Variants in DOCK7 observed in about 807,000 individuals in gnomAD.
DOCK7 encodes dedicator of cytokinesis 7.
In DOCK7, 138 loss-of-function variants were observed where a neutral mutation model predicts 271.0. The ratio of observed to expected loss-of-function variants is 0.51; its 90% confidence interval spans 0.44 to 0.59. The LOEUF (loss-of-function observed/expected upper bound fraction) is 0.59. Ranked by LOEUF, DOCK7 falls within the 20% of genes least tolerant of loss-of-function variation. DOCK7 has a pLI of 0.00. For synonymous variants in DOCK7, 823 were observed against 876.1 expected, an observed-to-expected ratio of 0.94 and a Z score of 1.07; for missense variants, 2,066 against 2,592.4, an observed-to-expected ratio of 0.80 and a Z score of 4.41.
chr1:62,647,598 T>C (rs1656827221), intron 7 of DOCK7, 93 bp downstream of exon 7: 1 of 827,874 alleles, frequency 1.2e-6, no homozygotes, highest in African/African-American at 1.7e-5. Flanking sequence ...AGGACACAAA[T>C]GCAACTATAA....
chr1:62,553,850 C>T (rs1054782532), intron 21 of DOCK7, among the ~76,000 whole-genome samples: 6 of 122,326 alleles, frequency 4.9e-5, no homozygotes, highest in Admixed American at 8.6e-5. Flanking sequence ...TGCGTGCGTG[C>T]GCGCACACAC....
At chr1:62,660,935 TA>T (rs955271580) in intron 2 of DOCK7, among the ~76,000 whole-genome samples, 4 of 151,816 alleles carry the variant, frequency 2.6e-5, no homozygotes, top group African/African-American at 9.7e-5. Context: ...CCTGTCTCTA[TA>T]AAAAATACAA....
In DOCK7 at chr1:62,487,445, T is replaced by TA. The variant is rs763938882; in HGVS notation, c.5494-34dup. ...ATAAAAAGTAAAAAAGGGCAAGTCA[T>TA]AAAAAAACTGTTTGAAAGAACAAAA... On this transcript the variant is annotated intron_variant, in intron 42 of 49. Coordinates refer to ENST00000635253, the MANE Select transcript of DOCK7 (RefSeq NM_001367561.1). 5 of 1,607,286 alleles carry TA rather than the reference T, an allele frequency of 3.1e-6. No individual in the cohort carries two copies. In the South Asian group the frequency reaches 4.4e-5, roughly 14 times the overall value.
At chr1:62,456,015 T>C (rs1418659681) in intron 49 of DOCK7, among the ~76,000 whole-genome samples, 1 of 152,240 alleles carries the variant, frequency 6.6e-6, no homozygotes, top group Non-Finnish European at 1.5e-5. Context: ...CAAGAAGCTT[T>C]AGGAGAGTGG....
At chr1:62,465,297 C>T (rs180932106) in intron 48 of DOCK7, among the ~76,000 whole-genome samples, 70 of 152,138 alleles carry the variant, frequency 4.6e-4, no homozygotes, top group African/African-American at 1.6e-3. Context: ...TTAGTGCAAC[C>T]ATAAACTTTG....
At chr1:62,543,255 T>C in intron 24 of DOCK7, 1 of 161,974 alleles carries the variant, frequency 6.2e-6, no homozygotes, top group Non-Finnish European at 1.4e-5. Context: ...AACAAAACTG[T>C]GCATAAGGGA....
At chr1:62,483,363 A>G (rs1305521) in intron 43 of DOCK7, 86,979 of 150,338 alleles carry the variant, frequency 0.58, 26,911 homozygotes, top group East Asian at 0.75. Flanking sequence ...CAAAAGTAGC[A>G]TAAGGGGCAG....
At chr1:62,679,550 C>T (rs1014335043) in intron 1 of DOCK7, among the ~76,000 whole-genome samples, 1 of 152,064 alleles carries the variant, frequency 6.6e-6, no homozygotes, top group East Asian at 1.9e-4. Context: ...CAAAACAGAG[C>T]TCAACCTCAT....
chr1:62,686,514 T>C (rs1394364776), intron 1 of DOCK7, among the ~76,000 whole-genome samples: 1 of 151,892 alleles, frequency 6.6e-6, no homozygotes, highest in East Asian at 1.9e-4. Flanking sequence ...AATGACATCA[T>C]CATCAGAAGT....
chr1:62,576,401 T>C (rs1304690601), intron 18 of DOCK7, among the ~76,000 whole-genome samples: 1 of 152,198 alleles, frequency 6.6e-6, no homozygotes, highest in East Asian at 1.9e-4. Context: ...GGGCCTGAAA[T>C]GCAAATGCAC....
At chr1:62,655,888 G>C (rs191235841) in intron 2 of DOCK7, among the ~76,000 whole-genome samples, 1 of 152,112 alleles carries the variant, frequency 6.6e-6, no homozygotes, top group Non-Finnish European at 1.5e-5. Flanking sequence ...CTACAAATAA[G>C]GGCATTTGTG....
At chr1:62,683,682 C>A (rs1072865) in intron 1 of DOCK7, among the ~76,000 whole-genome samples, 19,436 of 152,164 alleles carry the variant, frequency 0.13, 1,466 homozygotes, top group Non-Finnish European at 0.17. Flanking sequence ...TGCCTGTAAT[C>A]CCAGCACTTT....
intron 31 of DOCK7, among the ~76,000 whole-genome samples, chr1:62,520,483 A>C (rs957592848): frequency 1.0e-5 from 1 of 96,120 alleles, no homozygotes; most frequent in African/African-American, 2.8e-5. Flanking sequence ...TGAGGCCAAC[A>C]AACATATGAA....
chr1:62,657,471 A>C lies in DOCK7; in HGVS notation c.145-3312T>G, dbSNP rs79083348. Among the ~76,000 whole-genome samples, 781 of 152,344 alleles carry C rather than the reference A, an allele frequency of 5.1e-3. 7 individuals are homozygous for C. The highest frequency in any genetic ancestry group is 0.018 in the African/African-American group (740 of 41,574). On this transcript the variant is annotated intron_variant, in intron 2 of 49. Transcript: ENST00000635253. The stretch of plus-strand genomic sequence containing the variant: ...TAAATAAGACCTAGAAATTAACAAC[A>C]TAAGACCCAAAAGGTCCAAGTTCCA...
chr1:62,672,844 G>A (rs1231563130), intron 1 of DOCK7, among the ~76,000 whole-genome samples: 1 of 152,040 alleles, frequency 6.6e-6, no homozygotes, highest in Non-Finnish European at 1.5e-5. Flanking sequence ...ATGGAAGCAG[G>A]TTTCCAAAGA....
chr1:62,581,253 G>GA (rs1003109335), intron 16 of DOCK7, among the ~76,000 whole-genome samples: 1 of 151,766 alleles, frequency 6.6e-6, no homozygotes, highest in African/African-American at 2.4e-5. Flanking sequence ...TATTATAATA[G>GA]AAAAAAAACC....
chr1:62,604,068 A>C (rs1334979946), intron 14 of DOCK7: 1 of 1,613,304 alleles, frequency 6.2e-7, no homozygotes, highest in Non-Finnish European at 8.5e-7. Flanking sequence ...AACAAACATT[A>C]TATTGAATAT....
rs558389544 is a variant in DOCK7, at chr1:62,589,466, T to C, written c.1683-2842A>G. On this transcript the variant is annotated intron_variant, in intron 14 of 49. Transcript: ENST00000635253. ...TCTGTTATGACAAGACGTTCCAGAC[T>C]CTTATTTTTTTTTCCCCCGACCTGG... Among the ~76,000 whole-genome samples, 160 of 152,276 alleles carry C rather than the reference T, an allele frequency of 1.1e-3. 1 individual carries two copies. The highest frequency in any genetic ancestry group is 3.4e-3 in the Middle Eastern group (1 of 294).
rs906406475 is a variant in DOCK7, at chr1:62,644,723, C to T, written c.818+2968G>A. ...AACAAAATGTAAGAGAAATGATTTT[C>T]AAAAATATATCAGTTTCTATAGTTA... is the stretch of plus-strand genomic sequence containing the variant. On this transcript the variant is annotated intron_variant, in intron 7 of 49. Coordinates refer to ENST00000635253, the MANE Select transcript of DOCK7 (RefSeq NM_001367561.1). Among the ~76,000 whole-genome samples the T allele has an allele frequency of 1.7e-4, 26 of 152,090 alleles. 1 individual carries two copies. The highest frequency in any genetic ancestry group is 3.5e-4 in the Non-Finnish European group (24 of 67,980).
Sources: allele counts gnomAD v4.1 joint callset (sites outside exome capture counted in the v4.1 genomes callset), GRCh38; gene constraint gnomAD v4.1.1; transcripts MANE v1.5; gene names NCBI Gene and HGNC (gene_info 2026-07-23, HGNC 2026-07-21).